The following SH3PXD2A variants were observed in gnomAD, a reference collection of about 807,000 sequenced individuals.
SH3PXD2A encodes the protein SH3 and PX domains 2A, also known as SH3 and PX domain-containing protein 2A.
SH3PXD2A carries 32 observed loss-of-function variants against 115.2 expected under a neutral mutation model. The ratio of observed to expected loss-of-function variants is 0.28; its 90% CI spans 0.21 to 0.37. The LOEUF (loss-of-function observed/expected upper bound fraction) is 0.37. Among genes scored for constraint, SH3PXD2A ranks in the 10% least tolerant of loss-of-function variants. SH3PXD2A has a pLI of 1.00. For synonymous variants in SH3PXD2A, 610 were observed against 629.1 expected, an observed-to-expected ratio of 0.97 and a Z score of 0.45; for missense variants, 1,328 against 1,498.7, an observed-to-expected ratio of 0.89 and a Z score of 1.88.
chr10:103,768,797 T>C (rs2038785779), intron 2 of SH3PXD2A, among the ~76,000 whole-genome samples: 1 of 152,106 alleles, frequency 6.6e-6, no homozygotes, highest in African/African-American at 2.4e-5. Context: ...GGCTGGGTAA[T>C]TTATCAAGAA....
intron 1 of SH3PXD2A, among the ~76,000 whole-genome samples, chr10:103,826,653 C>T (rs536964122): frequency 8.5e-5 from 13 of 152,242 alleles, no homozygotes; most frequent in East Asian, 5.8e-4. Flanking sequence ...TTCCAGGTCC[C>T]GGAGCACATT....
intron 1 of SH3PXD2A, among the ~76,000 whole-genome samples, chr10:103,809,554 G>C (rs1488423455): frequency 1.3e-5 from 2 of 152,160 alleles, no homozygotes; most frequent in East Asian, 3.9e-4. Flanking sequence ...AATGGCAAAT[G>C]CCTCTACAGT....
intron 4 of SH3PXD2A, among the ~76,000 whole-genome samples, chr10:103,732,889 C>T (rs996626045): frequency 2.6e-5 from 4 of 152,238 alleles, no homozygotes; most frequent in Admixed American, 6.5e-5. Flanking sequence ...TGGGGTCGGC[C>T]GGTGATGCTG....
At chr10:103,729,112 T>A (rs1054508791) in intron 4 of SH3PXD2A, among the ~76,000 whole-genome samples, 1 of 152,148 alleles carries the variant, frequency 6.6e-6, no homozygotes, top group Non-Finnish European at 1.5e-5. Flanking sequence ...GCCAGGCTGA[T>A]CTCGAACTCC....
At chr10:103,743,501 C>G (rs888823119) in intron 3 of SH3PXD2A, among the ~76,000 whole-genome samples, 2 of 152,032 alleles carry the variant, frequency 1.3e-5, no homozygotes, top group African/African-American at 4.8e-5. Context: ...AGTGATCCTC[C>G]CACCTCAGCC....
intron 7 of SH3PXD2A, among the ~76,000 whole-genome samples, chr10:103,664,575 G>A (rs150831912): frequency 3.9e-5 from 6 of 152,274 alleles, no homozygotes; most frequent in African/African-American, 9.6e-5. Context: ...ATGGGCCACC[G>A]GCGCCTGGTC....
At chr10:103,693,481 C>T (rs899216933) in intron 5 of SH3PXD2A, 33 of 152,062 alleles carry the variant, frequency 2.2e-4, no homozygotes, top group African/African-American at 7.2e-4. Context: ...CGGTTCACCT[C>T]CCAATTCTTT....
chr10:103,615,563 A>T (rs1176106959), intron 11 of SH3PXD2A, among the ~76,000 whole-genome samples: 1 of 143,582 alleles, frequency 7.0e-6, no homozygotes, highest in African/African-American at 2.6e-5. Flanking sequence ...AAGACAGGAA[A>T]TGAGGATCAA....
rs897181794 is a variant in SH3PXD2A at position 103,599,326 on chromosome 10, G to C, written c.*2490C>G. The stretch of plus-strand genomic sequence containing the variant: ...CAGGTGGTGGGGAAGGGCAGGAAAG[G>C]CAGGCTCTCGGGAGCACTGTGGTCC... On this transcript the variant is annotated 3_prime_UTR_variant, in exon 15 of 15. Coordinates refer to ENST00000369774, the MANE Select transcript of SH3PXD2A (RefSeq NM_001394015.1). 1 of 152,814 alleles carries C rather than the reference G, an allele frequency of 6.5e-6. No individual in the cohort carries two copies. The highest frequency in any genetic ancestry group is 2.4e-5 in the African/African-American group (1 of 41,530). The allele number at this position is 152,814 out of a possible 1,614,324, so 9.5% of individuals were successfully genotyped here. A position where few individuals can be genotyped will look rare whatever the true frequency, so the allele number is the denominator to read the frequency against.
chr10:103,692,953 CTCT>C, intron 6 of SH3PXD2A, 72 bp downstream of exon 6: 2 of 1,274,380 alleles, frequency 1.6e-6, no homozygotes, highest in Non-Finnish European at 2.3e-6. Context: ...CCAAGAAGTC[CTCT>C]GCAGGATCGG....
chr10:103,682,936 A>C (rs2134109318), intron 6 of SH3PXD2A, among the ~76,000 whole-genome samples: 1 of 152,208 alleles, frequency 6.6e-6, no homozygotes, highest in South Asian at 2.1e-4. Context: ...GAGGACAAGA[A>C]CGCCTCGGAA....
At chr10:103,722,958 T>C (rs2038200086) in intron 5 of SH3PXD2A, among the ~76,000 whole-genome samples, 1 of 152,218 alleles carries the variant, frequency 6.6e-6, no homozygotes, top group African/African-American at 2.4e-5. Context: ...CCCAGGCTAT[T>C]TCAGGCTATT....
intron 8 of SH3PXD2A, among the ~76,000 whole-genome samples, chr10:103,657,355 G>A (rs998818541): frequency 2.6e-5 from 4 of 152,164 alleles, no homozygotes; most frequent in Non-Finnish European, 4.4e-5. Flanking sequence ...ATGTCACCAC[G>A]CTGCCAGAAA....
chr10:103,839,580 C>A (rs1009386655), intron 1 of SH3PXD2A, among the ~76,000 whole-genome samples: 3 of 151,388 alleles, frequency 2.0e-5, no homozygotes, highest in Non-Finnish European at 2.9e-5. Context: ...CAAGGCCACA[C>A]AGCCCCTCCC....
At chr10:103,747,796 C>T (rs1269210180) in intron 3 of SH3PXD2A, among the ~76,000 whole-genome samples, 1 of 151,112 alleles carries the variant, frequency 6.6e-6, no homozygotes, top group Non-Finnish European at 1.5e-5. Flanking sequence ...CCAAAGCCTG[C>T]TTTCATTTTA....
At chr10:103,622,435 G>A (rs983195703) in intron 10 of SH3PXD2A, 35 bp downstream of exon 10, 33 of 1,383,106 alleles carry the variant, frequency 2.4e-5, no homozygotes, top group Admixed American at 2.2e-4. Context: ...ACAGGCGGTC[G>A]CTGCGAGGGA....
At position 103,606,018 on chromosome 10, in the gene SH3PXD2A, C is replaced by T. The variant is rs188486946; in HGVS notation, c.1309-101G>A. Reference sequence around the variant, plus strand: ...TCAGTCCCCAGGGGGTGCGGATGGCCGTTTACACCAGCTGGACAGCAGCTG... The same window carrying T: ...TCAGTCCCCAGGGGGTGCGGATGGCTGTTTACACCAGCTGGACAGCAGCTG... On this transcript the variant is annotated intron_variant, in intron 13 of 14. Transcript: ENST00000369774. 194 of 1,229,772 alleles carry T rather than the reference C, an allele frequency of 1.6e-4. No homozygotes were observed. In the African/African-American group the frequency reaches 2.6e-3, roughly 17 times the overall value. 76.2% of individuals were successfully genotyped at this position (1,229,772 alleles called of 1,614,324 possible).
chr10:103,822,487 C>T (rs779915089), intron 1 of SH3PXD2A, among the ~76,000 whole-genome samples: 1 of 152,244 alleles, frequency 6.6e-6, no homozygotes, highest in Non-Finnish European at 1.5e-5. Flanking sequence ...TAACACCAAA[C>T]TTCTCATTCA....
chr10:103,681,808 G>A (rs1041531159), intron 6 of SH3PXD2A, among the ~76,000 whole-genome samples: 5 of 152,170 alleles, frequency 3.3e-5, no homozygotes, highest in African/African-American at 1.2e-4. Context: ...AGATGCGGTG[G>A]CTCATATCTA....
Sources: gnomAD v4.1 joint callset for allele counts (sites outside exome capture counted in the v4.1 genomes callset) on GRCh38, gnomAD v4.1.1 for gene constraint, MANE v1.5 for transcripts, NCBI Gene and HGNC (gene_info 2026-07-23, HGNC 2026-07-21) for gene names.